The following HERC6 variants were observed in gnomAD, a reference collection of about 807,000 sequenced individuals.
HERC6 encodes the protein HECT and RLD domain containing E3 ubiquitin protein ligase family member 6.
HERC6 carries 101 observed loss-of-function variants against 114.5 expected under a neutral mutation model. The ratio of observed to expected loss-of-function variants is 0.88; its 90% CI spans 0.75 to 1.04. HERC6 has a LOEUF of 1.04. Ranked by LOEUF, HERC6 falls within the 50% of genes least tolerant of loss-of-function variation. The probability of loss-of-function intolerance (pLI) is 0.00; values close to 1 mark genes in which losing one functional copy is unlikely to be tolerated. For missense variants in HERC6, 1,133 were observed against 1,230.9 expected (o/e 0.92, Z 1.19); for synonymous variants, 408 against 436.2 (o/e 0.94, Z 0.81).
intron 3 of HERC6, among the ~76,000 whole-genome samples, chr4:88,387,422 A>G (rs1578370084): frequency 1.3e-5 from 2 of 152,330 alleles, no homozygotes; most frequent in South Asian, 4.1e-4. Flanking sequence ...CGAAAACAGG[A>G]GCAGGGTATG....
chr4:88,420,524 CAAT>C (rs1366990834), intron 13 of HERC6, among the ~76,000 whole-genome samples: 3 of 152,046 alleles, frequency 2.0e-5, no homozygotes, highest in Non-Finnish European at 2.9e-5. Context: ...CAGTTTCTTA[CAAT>C]AATATGTTAT....
intron 5 of HERC6, among the ~76,000 whole-genome samples, chr4:88,395,775 C>T (rs534851703): frequency 9.9e-5 from 15 of 152,202 alleles, no homozygotes; most frequent in African/African-American, 2.9e-4. Flanking sequence ...TCTCCTGCCA[C>T]AGCCTTCCAA....
chr4:88,385,549 A>C lies in HERC6; in HGVS notation c.410A>C (p.His137Pro). 1 of 1,507,304 alleles carries C rather than the reference A, an allele frequency of 6.6e-7. No homozygotes were observed. Among genetic ancestry groups the C allele is most frequent in the African/African-American group, 1.4e-5 (1 of 70,846 alleles). The allele number at this position is 1,507,304 out of a possible 1,614,324, so 93.4% of individuals were successfully genotyped here. Residue 137 changes from histidine (H) to proline (P), a missense_variant, in exon 3 of 23, where the codon CAC (histidine) becomes CCC (proline). Physicochemically the swap from His to Pro is moderately conservative, Grantham distance 77 (BLOSUM62 -2). This residue lies in a region of HERC6 where 735 missense variants were observed against 754.0 expected (regional missense o/e 0.97). Transcript: ENST00000264346. ...DIKIIQVSCG[H>P]YHSLALSKDS... is the part of the protein sequence containing the mutation. ...AAAATAATACAAGTTTCCTGTGGAC[A>C]CTACCACTCCCTGGCATTATCAAAA...
At chr4:88,396,623 A>G (rs546477295) in intron 6 of HERC6, among the ~76,000 whole-genome samples, 30 of 152,364 alleles carry the variant, frequency 2.0e-4, no homozygotes, top group African/African-American at 6.7e-4. Flanking sequence ...GTAAAGACCT[A>G]TCAATAACAT....
At chr4:88,391,618 C>A (rs1430617350) in intron 4 of HERC6, among the ~76,000 whole-genome samples, 2 of 152,204 alleles carry the variant, frequency 1.3e-5, no homozygotes, top group African/African-American at 4.8e-5. Context: ...AAGCATCCAT[C>A]GTCATTAGAG....
intron 15 of HERC6, among the ~76,000 whole-genome samples, chr4:88,427,845 T>A (rs947481657): frequency 2.6e-5 from 4 of 152,184 alleles, no homozygotes; most frequent in African/African-American, 9.7e-5. Context: ...CCTTGAGGAG[T>A]GCTGAAGGTC....
intron 4 of HERC6, among the ~76,000 whole-genome samples, chr4:88,391,827 C>T (rs1734931978): frequency 6.6e-6 from 1 of 152,194 alleles, no homozygotes; most frequent in Admixed American, 6.5e-5. Flanking sequence ...AGTCAGCTAA[C>T]ATACAGTTAA....
At position 88,385,568 on chromosome 4, in the gene HERC6, A is replaced by G; in HGVS notation, c.429A>G (p.Leu143=). ...VSCGHYHSLA[L]SKDSQVFSWG... Reference sequence around the variant, plus strand: ...GTGGACACTACCACTCCCTGGCATTATCAAAAGGTAAGAAACACTTTTTGG... The same window carrying G: ...GTGGACACTACCACTCCCTGGCATTGTCAAAAGGTAAGAAACACTTTTTGG... The change falls in exon 3 of 23, where the codon TTA becomes TTG. Residue 143 remains leucine, a synonymous_variant. Coordinates refer to ENST00000264346, the MANE Select transcript of HERC6 (RefSeq NM_017912.4). The G allele has an allele frequency of 6.7e-7, 1 of 1,492,536 alleles. No homozygotes were observed. The highest frequency in any genetic ancestry group is 9.0e-7 in the Non-Finnish European group (1 of 1,113,682). 92.5% of individuals were successfully genotyped at this position (1,492,536 alleles called of 1,614,324 possible). A position where few individuals can be genotyped will look rare whatever the true frequency, so the allele number is the denominator to read the frequency against.
chr4:88,438,913 T>A (rs1032730954), intron 20 of HERC6, among the ~76,000 whole-genome samples: 1 of 152,054 alleles, frequency 6.6e-6, no homozygotes, highest in African/African-American at 2.4e-5. Flanking sequence ...CTGCCCAAAG[T>A]GTGGGAGACA....
intron 11 of HERC6, among the ~76,000 whole-genome samples, chr4:88,411,357 A>G (rs1202507532): frequency 1.3e-5 from 2 of 152,178 alleles, no homozygotes; most frequent in African/African-American, 4.8e-5. Context: ...CAAAGATTCT[A>G]TGATGTCATA....
Position 88,393,602 on chromosome 4 carries a change from T to C in HERC6, c.759+20T>C. The C allele has an allele frequency of 6.6e-7, 1 of 1,516,980 alleles. No homozygotes were observed. The allele number at this position is 1,516,980 out of a possible 1,614,324, so 94.0% of individuals were successfully genotyped here. On this transcript the variant is annotated intron_variant, in intron 5 of 22. Coordinates refer to ENST00000264346, the MANE Select transcript of HERC6 (RefSeq NM_017912.4). ...ACCCAGGTAATCCAAAACGTGTTGCTATTTTTTTGAGTTCCAGAGAAATGG... is the reference window on the plus strand; with the variant it reads ...ACCCAGGTAATCCAAAACGTGTTGCCATTTTTTTGAGTTCCAGAGAAATGG...
chr4:88,394,729 G>C lies in HERC6; in HGVS notation c.759+1147G>C, dbSNP rs547352496. On this transcript the variant is annotated intron_variant, in intron 5 of 22. Transcript: ENST00000264346. ...CTGGCTAATTTTTGTATTTTTAGTA[G>C]AGACAGGGTTTCACCATGTTGGCCA... Among the ~76,000 whole-genome samples, 3 of 151,652 alleles carry C rather than the reference G, an allele frequency of 2.0e-5. No homozygotes were observed. The South Asian group carries it at 6.3e-4, about 32-fold the overall frequency.
chr4:88,400,129 G>T (rs1204427152), intron 8 of HERC6, among the ~76,000 whole-genome samples: 1 of 152,210 alleles, frequency 6.6e-6, no homozygotes, highest in Non-Finnish European at 1.5e-5. Context: ...TTGGAAAGGA[G>T]ACCTAGAGAC....
chr4:88,386,909 T>A (rs965191917), intron 3 of HERC6, among the ~76,000 whole-genome samples: 2 of 152,208 alleles, frequency 1.3e-5, no homozygotes, highest in Non-Finnish European at 2.9e-5. Context: ...TATGCCAAAG[T>A]AGCATATTTT....
rs1219729546 is a variant in HERC6 at position 88,404,985 on chromosome 4, A to G, written c.1202A>G (p.Glu401Gly). 9.9e-6 allele frequency: 16 copies of G among 1,613,322 alleles called. No individual in the cohort carries two copies. The highest frequency in any genetic ancestry group is 1.3e-5 in the Non-Finnish European group (15 of 1,179,528). ...IAVKRRSTEHEMAKSEIRMIF... is the reference protein window; with the variant it reads ...IAVKRRSTEHGMAKSEIRMIF... ...GTGAAAAGAAGAAGTACTGAACATG[A>G]AATGGCTAAAAGGTGGCTCTGTCTG... The change falls in exon 9 of 23, where the codon GAA (glutamate) becomes GGA (glycine). Residue 401 changes from glutamate (E) to glycine (G), a missense_variant. Glu to Gly is a moderately conservative substitution (Grantham distance 98). Around this residue, in one of 3 missense-constraint regions of HERC6, gnomAD observed 735 missense variants for 754.0 expected, o/e 0.97. Transcript: ENST00000264346.
chr4:88,379,212 G>C, intron 1 of HERC6, 92 bp downstream of exon 1: 2 of 1,089,080 alleles, frequency 1.8e-6, no homozygotes. Context: ...GGTGCGGAGC[G>C]CTGGGACCCG....
At chr4:88,405,410 C>T in intron 9 of HERC6, 144 bp from the exon 10 acceptor site, 1 of 464,522 alleles carries the variant, frequency 2.2e-6, no homozygotes, top group Non-Finnish European at 3.8e-6. Flanking sequence ...AAAGTATACC[C>T]AGGATTTGGG....
At chr4:88,392,543 T>C (rs766551815) in intron 4 of HERC6, among the ~76,000 whole-genome samples, 4 of 152,178 alleles carry the variant, frequency 2.6e-5, no homozygotes, top group Non-Finnish European at 4.4e-5. Context: ...ATCTATTGTG[T>C]GACAGAAATA....
In HERC6 at chr4:88,390,868, G is replaced by T; in HGVS notation, c.653G>T (p.Arg218Leu). The T allele has an allele frequency of 1.9e-6, 3 of 1,612,240 alleles. No individual in the cohort carries two copies. The South Asian group carries it at 3.3e-5, about 18-fold the overall frequency. ...GCCGGGCAGCTGGCCCTCAGTGGGC[G>T]TAATGTCCCAGGTAAGGAGATAGTC... ...NSAGQLALSG[R>L]NVPVQSNKPL... The change falls in exon 4 of 23, where the codon CGT (arginine) becomes CTT (leucine). Residue 218 changes from arginine to leucine, a missense_variant. By Grantham distance (102) the Arg-to-Leu change is moderately radical (BLOSUM62 -2). This residue lies in a region of HERC6 where 735 missense variants were observed against 754.0 expected (regional missense o/e 0.97). Coordinates refer to ENST00000264346, the MANE Select transcript of HERC6 (RefSeq NM_017912.4).
Sources: allele counts gnomAD v4.1 joint callset (sites outside exome capture counted in the v4.1 genomes callset), GRCh38; gene constraint gnomAD v4.1.1; regional missense constraint gnomAD v4.1.1; transcripts MANE v1.5; gene names NCBI Gene and HGNC (gene_info 2026-07-23, HGNC 2026-07-21).